Variants in MARS1 observed in about 807,000 individuals in gnomAD.
MARS1 encodes the protein methionine--tRNA ligase, cytoplasmic.
Under a neutral mutation model 119.5 loss-of-function variants are expected in MARS1, and 80 were observed. The observed-to-expected ratio is 0.67, with a 90% CI of 0.56 to 0.81. The LOEUF (loss-of-function observed/expected upper bound fraction) is 0.81. MARS1 is among the 30% of genes least tolerant of loss of function. The pLI, the probability that MARS1 is intolerant of heterozygous loss-of-function variation, is 0.00. For synonymous variants in MARS1, 418 were observed against 433.4 expected (o/e 0.96, Z 0.44); for missense variants, 945 against 1,116.5 (o/e 0.85, Z 2.19).
At chr12:57,506,148 T>C (rs962536011) in intron 11 of MARS1, among the ~76,000 whole-genome samples, 1 of 151,712 alleles carries the variant, frequency 6.6e-6, no homozygotes, top group Admixed American at 6.6e-5. Flanking sequence ...TCCCAGCTAC[T>C]CAGGAGGCTG....
chr12:57,490,222 T>C lies in MARS1; in HGVS notation c.506T>C (p.Leu169Pro). 1 of 1,613,670 alleles carries C rather than the reference T, an allele frequency of 6.2e-7. No individual in the cohort carries two copies. The highest frequency in any genetic ancestry group is 8.5e-7 in the Non-Finnish European group (1 of 1,179,930). Residue 169 changes from leucine to proline, a missense_variant, in exon 6 of 21, where the codon CTG (leucine) becomes CCG (proline). By Grantham distance (98) the Leu-to-Pro change is moderately conservative. Transcript: ENST00000262027. ...ATACCCACAGAGGAGCTGAGTGCCC[T>C]GCACAGCTGGTTCCAGACACTGAGT... ...PAYLPEELSALHSWFQTLSTQ... is the reference protein window; with the variant it reads ...PAYLPEELSAPHSWFQTLSTQ...
At chr12:57,489,761 G>T in intron 4 of MARS1, 135 bp from the exon 5 acceptor site, 6 of 1,075,766 alleles carry the variant, frequency 5.6e-6, no homozygotes, top group Non-Finnish European at 8.5e-6. Context: ...GTTATTGTGA[G>T]GATTAAGTGA....
rs559255944 is a variant in MARS1 at position 57,515,239 on chromosome 12, C to T, written c.2294C>T (p.Ala765Val). The change falls in exon 18 of 21, where the codon GCC becomes GTC. Residue 765 changes from alanine (A) to valine (V), a missense_variant. Ala to Val is a moderately conservative substitution (Grantham distance 64). Coordinates refer to ENST00000262027, the MANE Select transcript of MARS1 (RefSeq NM_004990.4). ...CAGCCTTACATGCCCACGGTTAGTG[C>T]CACAATCCAGGCCCAGCTGCAGCTC... ...MLQPYMPTVS[A>V]TIQAQLQLPP... 11 of 1,614,088 alleles carry T rather than the reference C, an allele frequency of 6.8e-6. No homozygotes were observed. In the African/African-American group the frequency reaches 8.0e-5, roughly 12 times the overall value.
chr12:57,512,128 G>C (rs1315472745), intron 13 of MARS1, 25 bp downstream of exon 13: 1 of 1,611,122 alleles, frequency 6.2e-7, no homozygotes, highest in Non-Finnish European at 8.5e-7. Context: ...GTTAGGCTGT[G>C]CATGGGGAGG....
intron 10 of MARS1, among the ~76,000 whole-genome samples, chr12:57,502,063 G>T (rs1565645651): frequency 6.6e-6 from 1 of 152,196 alleles, no homozygotes; most frequent in Non-Finnish European, 1.5e-5. Flanking sequence ...TGGGATAATG[G>T]TGGCTTGCAC....
Position 57,488,073 on chromosome 12 carries a change from C to CG in MARS1, c.-17dup. On this transcript the variant is annotated 5_prime_UTR_variant, in exon 1 of 21. Coordinates refer to ENST00000262027, the MANE Select transcript of MARS1 (RefSeq NM_004990.4). ...GGGAGGCCGGTTCCGGTTGCATCAG[C>CG]GAGGGATTCACGGCGAAATGAGACT... 1 of 1,609,280 alleles carries CG rather than the reference C, an allele frequency of 6.2e-7. No individual in the cohort carries two copies. The highest frequency in any genetic ancestry group is 8.5e-7 in the Non-Finnish European group (1 of 1,175,816).
intron 7 of MARS1, among the ~76,000 whole-genome samples, chr12:57,493,914 AATAT>A (rs1199144643): frequency 2.8e-5 from 2 of 71,710 alleles, no homozygotes; most frequent in Non-Finnish European, 4.8e-5. Flanking sequence ...TAATATATAT[AATAT>A]ATATAATATA....
intron 9 of MARS1, 29 bp downstream of exon 9, chr12:57,498,652 G>A: frequency 1.2e-6 from 2 of 1,602,560 alleles, no homozygotes; most frequent in African/African-American, 1.3e-5. Context: ...GGCAGAAATG[G>A]GGCTTGAAGG....
chr12:57,493,384 A>T (rs1345505813), intron 7 of MARS1, among the ~76,000 whole-genome samples: 1 of 26,020 alleles, frequency 3.8e-5, no homozygotes, highest in Non-Finnish European at 5.9e-5. Context: ...ATATTATATA[A>T]TATATTATAT....
rs537564587 is a variant in MARS1, at chr12:57,505,036, A to G, written c.1368+737A>G. 2.4e-4 allele frequency among the ~76,000 whole-genome samples: 36 copies of G among 151,452 alleles called. No individual in the cohort carries two copies. In the South Asian group the frequency reaches 4.4e-3, roughly 18 times the overall value. On this transcript the variant is annotated intron_variant, in intron 11 of 20. Transcript: ENST00000262027. ...TAATTTTTAAAATGCTTTTGTAGAG[A>G]TGGGTTCTCACTGTGTTACCCAGGC...
Position 57,516,227 on chromosome 12 carries a change from A to G in MARS1, c.2464-18A>G, listed in dbSNP as rs747321242. The G allele has an allele frequency of 2.4e-5, 38 of 1,610,104 alleles. No individual in the cohort carries two copies. The highest frequency in any genetic ancestry group is 3.1e-5 in the Non-Finnish European group (37 of 1,176,430). ...GGGGATATTTATGGTTGCTGGTGAT[A>G]ACTTTGTTGTTCTCCAGGCAAAAAC... On this transcript the variant is annotated intron_variant, in intron 19 of 20. Coordinates refer to ENST00000262027, the MANE Select transcript of MARS1 (RefSeq NM_004990.4).
In MARS1 at chr12:57,511,698, C is replaced by G. The variant is rs1162003747; in HGVS notation, c.1369C>G (p.Leu457Val). Residue 457 changes from leucine to valine, a missense_variant and splice_region_variant, in exon 12 of 21, where the codon CTG becomes GTG. Transcript: ENST00000262027. ...SQHLFLDLPK[L>V]EKRLEEWLGR... ...CAGCCCTCTTTCTCCGTTATCTCAG[C>G]TGGAGAAGCGACTGGAGGAGTGGTT... is the stretch of plus-strand genomic sequence containing the variant. The G allele has an allele frequency of 1.2e-6, 2 of 1,614,142 alleles. No homozygotes were observed. Among genetic ancestry groups the G allele is most frequent in the East Asian group, 4.5e-5 (2 of 44,878 alleles).
At chr12:57,491,370 C>T (rs1241996202) in intron 7 of MARS1, among the ~76,000 whole-genome samples, 1 of 152,138 alleles carries the variant, frequency 6.6e-6, no homozygotes, top group East Asian at 1.9e-4. Flanking sequence ...ATTTATTCAC[C>T]TGCCTTTGTT....
At chr12:57,498,399 G>C (rs369414310) in intron 8 of MARS1, 21 bp from the exon 9 acceptor site, 37 of 1,611,394 alleles carry the variant, frequency 2.3e-5, no homozygotes, top group Non-Finnish European at 2.7e-5. Flanking sequence ...GCCCCCTAGC[G>C]ATCACCATAT....
chr12:57,503,844 C>T (rs568612093), intron 10 of MARS1: 12 of 173,278 alleles, frequency 6.9e-5, no homozygotes, highest in Admixed American at 6.6e-4. Context: ...CCGGCCCACA[C>T]TTGTTTCTTA....
rs1317391149 is a variant in MARS1 at position 57,488,352 on chromosome 12, C to T, written c.109+153C>T. 5 of 754,028 alleles carry T rather than the reference C, an allele frequency of 6.6e-6. No individual in the cohort carries two copies. The Admixed American group carries it at 1.4e-4, about 20-fold the overall frequency. The allele number at this position is 754,028 out of a possible 1,614,324, so 46.7% of individuals were successfully genotyped here. A position where few individuals can be genotyped will look rare whatever the true frequency, so the allele number is the denominator to read the frequency against. ...TCCTTGATCACTCCACGCCTTCTTC[C>T]CTCCCAGTCACATCTTTCACTTCCT... is the stretch of plus-strand genomic sequence containing the variant. On this transcript the variant is annotated intron_variant, in intron 1 of 20. Transcript: ENST00000262027.
rs1170359618 is a variant in MARS1, at chr12:57,515,174, C to T, written c.2229C>T (p.Gly743=). 1 of 1,614,102 alleles carries T rather than the reference C, an allele frequency of 6.2e-7. No individual in the cohort carries two copies. The highest frequency in any genetic ancestry group is 8.5e-7 in the Non-Finnish European group (1 of 1,180,042). Residue 743 remains glycine (G), a synonymous_variant, in exon 18 of 21, where the codon GGC becomes GGT. Coordinates refer to ENST00000262027, the MANE Select transcript of MARS1 (RefSeq NM_004990.4). ...ADRQRAGTVT[G]LAVNIAALLS... Reference sequence around the variant, plus strand: ...GGCAACGGGCAGGAACAGTGACTGGCTTGGCAGTGAATATAGCTGCCTTGC... The same window carrying T: ...GGCAACGGGCAGGAACAGTGACTGGTTTGGCAGTGAATATAGCTGCCTTGC...
Position 57,489,266 on chromosome 12 carries a change from G to A in MARS1, c.201-1G>A, listed in dbSNP as rs1201216620. 6.2e-7 allele frequency: 1 copy of A among 1,613,638 alleles called. No homozygotes were observed. The highest frequency in any genetic ancestry group is 8.5e-7 in the Non-Finnish European group (1 of 1,180,008). On this transcript the variant is annotated splice_acceptor_variant, in intron 2 of 20. Transcript: ENST00000262027. LOFTEE classifies it high-confidence loss of function. ...TCATCTGTTGCTCTCTCTCTGGGCA[G>A]ATATTTTTTTTTGTTATCTGGCTGG...
chr12:57,493,298 ATATATAATATATAT>A (rs1278199340), intron 7 of MARS1, among the ~76,000 whole-genome samples: 5 of 109,610 alleles, frequency 4.6e-5, no homozygotes, highest in African/African-American at 7.3e-5. Flanking sequence ...TTGAGTATAT[ATATATAATATATAT>A]TATATAATAT....
Sources: gnomAD v4.1 joint callset for allele counts (sites outside exome capture counted in the v4.1 genomes callset) on GRCh38, gnomAD v4.1.1 for gene constraint, MANE v1.5 for transcripts, NCBI Gene and HGNC (gene_info 2026-07-23, HGNC 2026-07-21) for gene names.